ZFAT: variants seen among roughly 807,000 people sequenced by gnomAD.
ZFAT encodes the protein zinc finger protein ZFAT.
A neutral mutation model predicts 117.7 loss-of-function variants in ZFAT; 64 were observed. The ratio of observed to expected loss-of-function variants is 0.54; its 90% confidence interval spans 0.44 to 0.67. The LOEUF is 0.67. Ranked by LOEUF, ZFAT falls within the 30% of genes least tolerant of loss-of-function variation. The probability of loss-of-function intolerance (pLI) is 0.00; values close to 1 mark genes in which losing one functional copy is unlikely to be tolerated. For missense variants in ZFAT, 1,433 were observed against 1,584.5 expected (o/e 0.90, Z 1.62); for synonymous variants, 679 against 615.0 (o/e 1.10, Z -1.54).
chr8:134,491,662 G>A (rs956065938), intron 15 of ZFAT, among the ~76,000 whole-genome samples: 2 of 152,146 alleles, frequency 1.3e-5, no homozygotes, highest in Non-Finnish European at 2.9e-5. Context: ...AACGACATTT[G>A]GTGGAGTCTT....
intron 11 of ZFAT, among the ~76,000 whole-genome samples, chr8:134,540,099 G>A (rs1264210796): frequency 6.6e-6 from 1 of 152,150 alleles, no homozygotes; most frequent in Admixed American, 6.5e-5. Flanking sequence ...TATTAGCACA[G>A]GCAACTAGTA....
the ZFAT span, among the ~76,000 whole-genome samples, chr8:134,817,424 CACACACACACACA>C: frequency 3.9e-4 from 46 of 119,076 alleles, no homozygotes; most frequent in Admixed American, 3.8e-3. Context: ...CACACACACA[CACACACACACACA>C]ACGCACCCTT....
chr8:134,599,530 A>C, intron 7 of ZFAT: 2 of 325,918 alleles, frequency 6.1e-6, no homozygotes, highest in Non-Finnish European at 1.2e-5. Flanking sequence ...AGAGTGTTGG[A>C]GACAGTGTTT....
chr8:134,507,316 C>T (rs1819488046), intron 15 of ZFAT, among the ~76,000 whole-genome samples: 1 of 152,202 alleles, frequency 6.6e-6, no homozygotes, highest in Non-Finnish European at 1.5e-5. Context: ...TGAAACACTT[C>T]ATTTCCTTTG....
chr8:134,509,619 C>A lies in ZFAT; in HGVS notation c.3492G>T (p.Gln1164His). The A allele has an allele frequency of 6.2e-7, 1 of 1,613,424 alleles. No individual in the cohort carries two copies. The highest frequency in any genetic ancestry group is 8.5e-7 in the Non-Finnish European group (1 of 1,179,758). The change falls in exon 15 of 16, where the codon CAG becomes CAT. Residue 1164 changes from glutamine (Q) to histidine (H), a missense_variant and splice_region_variant. Physicochemically the swap from Gln to His is conservative, Grantham distance 24. This residue lies in a region of ZFAT where 503 missense variants were observed against 543.4 expected (regional missense o/e 0.93). Coordinates refer to ENST00000377838, the MANE Select transcript of ZFAT (RefSeq NM_020863.4). ...MAPGTVTVVKQVTEEEPSSNH... is the reference protein window; with the variant it reads ...MAPGTVTVVKHVTEEEPSSNH... The stretch of plus-strand genomic sequence containing the variant: ...ATAGTTACAGAAGGAGGGTCCCTAC[C>A]TGCTTAACCACAGTCACCGTCCCTG...
At chr8:134,593,828 A>C (rs1222536605) in intron 7 of ZFAT, among the ~76,000 whole-genome samples, 1 of 152,220 alleles carries the variant, frequency 6.6e-6, no homozygotes, top group East Asian at 1.9e-4. Context: ...CTCAACTGCT[A>C]CAGGGCCCCT....
intron 12 of ZFAT, among the ~76,000 whole-genome samples, chr8:134,531,455 C>T (rs925572534): frequency 1.3e-5 from 2 of 152,090 alleles, no homozygotes; most frequent in Admixed American, 6.5e-5. Context: ...CTAGATGTTC[C>T]GAAAAAAATA....
the ZFAT span, among the ~76,000 whole-genome samples, chr8:134,798,500 G>C: frequency 6.6e-6 from 1 of 152,076 alleles, no homozygotes; most frequent in African/African-American, 2.4e-5. Context: ...ATGAAGGCAT[G>C]TACCTTCCTG....
chr8:134,795,759 G>A, the ZFAT span: 1 of 152,206 alleles, frequency 6.6e-6, no homozygotes, highest in African/African-American at 2.4e-5. Flanking sequence ...AAATTACAGG[G>A]ATGGAATCGC....
intron 15 of ZFAT, among the ~76,000 whole-genome samples, chr8:134,495,099 T>G (rs915537530): frequency 6.6e-6 from 1 of 152,180 alleles, no homozygotes; most frequent in Non-Finnish European, 1.5e-5. Flanking sequence ...GCAATGTCCC[T>G]CAGCATCTGC....
At chr8:134,671,847 A>G (rs1348886334) in intron 1 of ZFAT, among the ~76,000 whole-genome samples, 1 of 152,244 alleles carries the variant, frequency 6.6e-6, no homozygotes, top group Non-Finnish European at 1.5e-5. Flanking sequence ...TTGTATATTT[A>G]GAAAACCCCA....
At chr8:134,790,263 C>T in the ZFAT span, among the ~76,000 whole-genome samples, 1 of 152,156 alleles carries the variant, frequency 6.6e-6, no homozygotes, top group Non-Finnish European at 1.5e-5. Context: ...CCCTAAAAGG[C>T]TCTTGTCCAG....
At chr8:134,705,617 C>G (rs1235914227) in intron 1 of ZFAT, among the ~76,000 whole-genome samples, 1 of 151,744 alleles carries the variant, frequency 6.6e-6, no homozygotes, top group Non-Finnish European at 1.5e-5. Context: ...GCAACCTCTA[C>G]TCCCAGGTTC....
chr8:134,819,496 A>ACCCACCCCCCCCCCCCCCCCCCC, the ZFAT span, among the ~76,000 whole-genome samples: 1 of 39,334 alleles, frequency 2.5e-5, no homozygotes, highest in Non-Finnish European at 4.7e-5. Context: ...CGGATTTACC[A>ACCCACCCCCCCCCCCCCCCCCCC]CCCCCCCCCC....
chr8:134,672,986 CT>C (rs1293261620), intron 1 of ZFAT: 1 of 152,106 alleles, frequency 6.6e-6, no homozygotes, highest in Non-Finnish European at 1.5e-5. Flanking sequence ...CCAGATTTTC[CT>C]CTTAAGTCTT....
Position 134,550,310 on chromosome 8 carries a change from G to GAAAAAAAAAAAAAAAAA in ZFAT, c.2976+15006_2976+15022dup, listed in dbSNP as rs10680896. Among the ~76,000 whole-genome samples the GAAAAAAAAAAAAAAAAA allele has an allele frequency of 3.2e-4, 23 of 72,528 alleles. 3 individuals carry two copies. The highest frequency in any genetic ancestry group is 5.7e-4 in the Non-Finnish European group (22 of 38,896). The allele number at this position is 72,528 out of a possible 152,430, so 47.6% of individuals were successfully genotyped here. A position where few individuals can be genotyped will look rare whatever the true frequency, so the allele number is the denominator to read the frequency against. ...ATTCCATCCAGGGTTGGTCACAACG[G>GAAAAAAAAAAAAAAAAA]AAAAAAAAAAAAAAAAAAAAAACAG... On this transcript the variant is annotated intron_variant, in intron 11 of 15. Transcript: ENST00000377838.
intron 1 of ZFAT, among the ~76,000 whole-genome samples, chr8:134,661,781 AG>A (rs1831945690): frequency 6.6e-6 from 1 of 152,206 alleles, no homozygotes; most frequent in African/African-American, 2.4e-5. Context: ...TGTGCCCCCA[AG>A]GGAGCAAGGA....
At chr8:134,528,604 G>A (rs142295931) in intron 12 of ZFAT, among the ~76,000 whole-genome samples, 131 of 152,234 alleles carry the variant, frequency 8.6e-4, no homozygotes, top group Non-Finnish European at 1.3e-3. Flanking sequence ...TCTAGCAGAC[G>A]CCAAATACTA....
chr8:134,573,103 C>CAAT (rs1027230670), intron 10 of ZFAT, among the ~76,000 whole-genome samples: 3 of 152,124 alleles, frequency 2.0e-5, no homozygotes, highest in African/African-American at 7.2e-5. Flanking sequence ...GAGAGACAGG[C>CAAT]AATAATGTTG....
Sources: allele counts gnomAD v4.1 joint callset (sites outside exome capture counted in the v4.1 genomes callset), GRCh38; gene constraint gnomAD v4.1.1; regional missense constraint gnomAD v4.1.1; transcripts MANE v1.5; gene names NCBI Gene and HGNC (gene_info 2026-07-23, HGNC 2026-07-21).